The following BARX2 variants were observed in gnomAD, a reference collection of about 807,000 sequenced individuals.
BARX2 encodes BARX homeobox 2.
In BARX2, 11 loss-of-function variants were observed where a neutral mutation model predicts 25.5. That is an observed-to-expected ratio of 0.43 (90% CI 0.27 to 0.71). The LOEUF (loss-of-function observed/expected upper bound fraction) is 0.71. Ranked by LOEUF, BARX2 falls within the 30% of genes least tolerant of loss-of-function variation. The pLI is 0.19. For synonymous variants in BARX2, 137 were observed against 149.5 expected (o/e 0.92, Z 0.61); for missense variants, 360 against 359.9 (o/e 1.00, Z 0.00).
intron 1 of BARX2, among the ~76,000 whole-genome samples, chr11:129,431,740 A>G (rs1862131751): frequency 6.6e-6 from 1 of 152,058 alleles, no homozygotes; most frequent in African/African-American, 2.4e-5. Flanking sequence ...TCATTTTCTT[A>G]ACAGTATCTT....
chr11:129,401,068 C>T (rs971337275), intron 1 of BARX2, among the ~76,000 whole-genome samples: 3 of 152,172 alleles, frequency 2.0e-5, no homozygotes, highest in African/African-American at 7.2e-5. Flanking sequence ...GTGCAAGATC[C>T]TGCTCTTCAC....
chr11:129,384,874 A>G (rs1446128273), intron 1 of BARX2, among the ~76,000 whole-genome samples: 1 of 152,242 alleles, frequency 6.6e-6, no homozygotes, highest in East Asian at 1.9e-4. Flanking sequence ...ATCAGCTTCA[A>G]AATATCCCTA....
At chr11:129,433,488 A>T (rs1190272848) in intron 1 of BARX2, among the ~76,000 whole-genome samples, 2 of 152,158 alleles carry the variant, frequency 1.3e-5, no homozygotes, top group Admixed American at 6.5e-5. Flanking sequence ...AATCCAAGTG[A>T]TTTGCCCTGA....
upstream of BARX2, among the ~76,000 whole-genome samples, chr11:129,375,752 C>A (rs1160996972): frequency 1.3e-5 from 2 of 152,046 alleles, no homozygotes; most frequent in Non-Finnish European, 2.9e-5. This position sits in a 1 kb window ranked among gnomAD's most constrained non-coding sequence, Gnocchi z 4.0. Flanking sequence ...TGGGCGCGGA[C>A]GCCCCTCAGC....
chr11:129,387,282 G>C (rs943005226), intron 1 of BARX2, among the ~76,000 whole-genome samples: 9 of 152,174 alleles, frequency 5.9e-5, no homozygotes, highest in Non-Finnish European at 1.3e-4. Context: ...CCAAAGAGCT[G>C]CCGTGGGACT....
chr11:129,424,105 C>T (rs1463105499), intron 1 of BARX2, among the ~76,000 whole-genome samples: 1 of 152,226 alleles, frequency 6.6e-6, no homozygotes, highest in African/African-American at 2.4e-5. Context: ...ACCTTGGCCT[C>T]CCAAAGTGTT....
At chr11:129,430,414 A>T (rs1261252981) in intron 1 of BARX2, among the ~76,000 whole-genome samples, 5 of 152,196 alleles carry the variant, frequency 3.3e-5, no homozygotes, top group Non-Finnish European at 7.4e-5. Flanking sequence ...CTGTAAGTTT[A>T]TCTCTAAGAT....
chr11:129,382,560 G>A (rs1861578623), intron 1 of BARX2, among the ~76,000 whole-genome samples: 1 of 152,148 alleles, frequency 6.6e-6, no homozygotes, highest in Non-Finnish European at 1.5e-5. Flanking sequence ...TCCTGCCCAC[G>A]ACTGTAGTTA....
chr11:129,411,671 T>C (rs1277470443), intron 1 of BARX2, among the ~76,000 whole-genome samples: 1 of 152,236 alleles, frequency 6.6e-6, no homozygotes, highest in Non-Finnish European at 1.5e-5. Context: ...TCAAGAAGAA[T>C]TTGTTGACTT....
Position 129,451,679 on chromosome 11 carries a change from G to T in BARX2, c.*277G>T, listed in dbSNP as rs1042742462. ...CTAGGAGCTGCCTGCCCCAGCTGGG[G>T]TGACGGCTGTAGGGCTGGGTCTATG... On this transcript the variant is annotated 3_prime_UTR_variant, in exon 4 of 4. Coordinates refer to ENST00000281437, the MANE Select transcript of BARX2 (RefSeq NM_003658.5). 2 of 447,464 alleles carry T rather than the reference G, an allele frequency of 4.5e-6. No homozygotes were observed. The highest frequency in any genetic ancestry group is 3.0e-5 in the South Asian group (1 of 33,554). The allele number at this position is 447,464 out of a possible 1,614,324, so 27.7% of individuals were successfully genotyped here.
chr11:129,394,998 G>A (rs1861703486), intron 1 of BARX2, among the ~76,000 whole-genome samples: 1 of 148,822 alleles, frequency 6.7e-6, no homozygotes, highest in Non-Finnish European at 1.5e-5. Flanking sequence ...GCTCAACCAA[G>A]ATCACTCGGA....
At chr11:129,426,801 T>G (rs1329209016) in intron 1 of BARX2, among the ~76,000 whole-genome samples, 1 of 103,918 alleles carries the variant, frequency 9.6e-6, no homozygotes, top group Non-Finnish European at 2.0e-5. Context: ...TTTCTGTGGA[T>G]TTTTTTTTTT....
At chr11:129,377,158 T>C (rs1391941182) in intron 1 of BARX2, among the ~76,000 whole-genome samples, 2 of 152,168 alleles carry the variant, frequency 1.3e-5, no homozygotes, top group Non-Finnish European at 2.9e-5. Flanking sequence ...ATAAAGTATT[T>C]CCAAACCAAA....
chr11:129,406,839 C>T (rs1861835378), intron 1 of BARX2, among the ~76,000 whole-genome samples: 1 of 152,086 alleles, frequency 6.6e-6, no homozygotes, highest in Admixed American at 6.6e-5. Context: ...AGCAAAGGGA[C>T]CACTGGAGTA....
intron 1 of BARX2, among the ~76,000 whole-genome samples, chr11:129,430,977 A>C (rs1372498336): frequency 6.6e-6 from 1 of 152,080 alleles, no homozygotes; most frequent in African/African-American, 2.4e-5. Flanking sequence ...TTCTCATGCC[A>C]CAGCCTCCTA....
At chr11:129,429,007 GTT>G (rs57076671) in intron 1 of BARX2, among the ~76,000 whole-genome samples, 1,403 of 130,660 alleles carry the variant, frequency 0.011, 23 homozygotes, top group African/African-American at 0.036. Context: ...TAGAAGTTGT[GTT>G]TTTTTTTTTT....
intron 3 of BARX2, among the ~76,000 whole-genome samples, chr11:129,444,331 G>A (rs978303568): frequency 6.6e-6 from 1 of 152,132 alleles, no homozygotes; most frequent in Non-Finnish European, 1.5e-5. Context: ...AGAAATTCCT[G>A]GGCAAATCTT....
intron 1 of BARX2, among the ~76,000 whole-genome samples, chr11:129,397,049 C>T (rs555435131): frequency 1.2e-3 from 182 of 152,212 alleles, no homozygotes; most frequent in Non-Finnish European, 1.7e-3. Context: ...CTTTGGGAGG[C>T]TGAAGCAGGA....
rs5795668 is a variant in BARX2 at position 129,380,812 on chromosome 11, GTT to G, written c.187+4603_187+4604del. ...ATACCAAGGGATTCCTTAGGAGTCA[GTT>G]TTTTTTTTTTTTCTTCCAATAGCGG... On this transcript the variant is annotated intron_variant, in intron 1 of 3. Transcript: ENST00000281437. 4.0e-4 allele frequency among the ~76,000 whole-genome samples: 59 copies of G among 146,958 alleles called. 1 individual carries two copies. The highest frequency in any genetic ancestry group is 3.6e-3 in the Middle Eastern group (1 of 280).
Sources: allele counts gnomAD v4.1 joint callset (sites outside exome capture counted in the v4.1 genomes callset), GRCh38; gene constraint gnomAD v4.1.1; non-coding constraint Gnocchi (gnomAD v3.1); transcripts MANE v1.5; gene names NCBI Gene and HGNC (gene_info 2026-07-23, HGNC 2026-07-21).